Variants in ZZEF1 observed in about 807,000 individuals in gnomAD.
The protein encoded by ZZEF1 is zinc finger ZZ-type and EF-hand domain containing 1, also known as zinc finger ZZ-type and EF-hand domain-containing protein 1.
A neutral mutation model predicts 342.8 loss-of-function variants in ZZEF1; 157 were observed. That is an observed-to-expected ratio of 0.46 (90% confidence interval 0.40 to 0.52). ZZEF1 has a LOEUF of 0.52. Ranked by LOEUF, ZZEF1 falls within the 20% of genes least tolerant of loss-of-function variation. ZZEF1 has a pLI of 0.00. For missense variants in ZZEF1, 3,480 were observed against 3,725.6 expected (o/e 0.93, Z 1.72); for synonymous variants, 1,505 against 1,429.1 (o/e 1.05, Z -1.20).
intron 52 of ZZEF1, 142 bp from the exon 53 acceptor site, chr17:4,009,899 C>T (rs1369047583): frequency 3.2e-6 from 3 of 935,994 alleles, no homozygotes; most frequent in Non-Finnish European, 4.7e-6. Context: ...CACCTATGCT[C>T]CCCACAAAGC....
chr17:4,086,394 G>A (rs566110986), intron 15 of ZZEF1, 92 bp downstream of exon 15: 55 of 1,301,378 alleles, frequency 4.2e-5, no homozygotes, highest in Admixed American at 1.1e-4. Flanking sequence ...TTTCTGGCTC[G>A]CATCATCGTA....
At chr17:4,018,089 T>G in intron 46 of ZZEF1, 118 bp from the exon 47 acceptor site, 2 of 1,336,362 alleles carry the variant, frequency 1.5e-6, no homozygotes, top group Non-Finnish European at 2.1e-6. Flanking sequence ...TCAATGACAT[T>G]ATCATATTCC....
intron 7 of ZZEF1, among the ~76,000 whole-genome samples, 154 bp downstream of exon 7, chr17:4,105,539 G>A (rs1384845441): frequency 6.6e-6 from 1 of 152,192 alleles, no homozygotes; most frequent in African/African-American, 2.4e-5. Flanking sequence ...GACTTTAGAT[G>A]AGTGAACTAT....
Position 4,096,685 on chromosome 17 carries a change from G to C in ZZEF1, c.1688C>G (p.Thr563Ser), listed in dbSNP as rs145928725. ...PWTRDGFLTE[T>S]GKTRASTIFS... Reference sequence around the variant, plus strand: ...AATAGTGCTGGCTCTGGTTTTTCCAGTTTCCGTAAGAAAACCTGAAAAAAG... The same window carrying C: ...AATAGTGCTGGCTCTGGTTTTTCCACTTTCCGTAAGAAAACCTGAAAAAAG... The change falls in exon 10 of 55, where the codon ACT (threonine) becomes AGT (serine). Residue 563 changes from threonine (T) to serine (S), a missense_variant. By Grantham distance (58) the Thr-to-Ser change is moderately conservative (BLOSUM62 1). Transcript: ENST00000381638. The C allele has an allele frequency of 6.4e-5, 104 of 1,613,922 alleles. No individual in the cohort carries two copies. The African/African-American group carries it at 1.3e-3, about 20-fold the overall frequency.
intron 33 of ZZEF1, among the ~76,000 whole-genome samples, chr17:4,055,043 A>C (rs1218515729): frequency 1.3e-5 from 2 of 152,182 alleles, no homozygotes; most frequent in East Asian, 3.8e-4. Context: ...CTGCAAAAGG[A>C]GTACTGTCCC....
In ZZEF1 at chr17:4,016,683, T is replaced by C. The variant is rs1047041167; in HGVS notation, c.8002-217A>G. 31 of 542,524 alleles carry C rather than the reference T, an allele frequency of 5.7e-5. No individual in the cohort carries two copies. Among genetic ancestry groups the C allele is most frequent in the Middle Eastern group, 4.6e-4 (1 of 2,166 alleles). 33.6% of individuals were successfully genotyped at this position (542,524 alleles called of 1,614,324 possible). A position where few individuals can be genotyped will look rare whatever the true frequency, so the allele number is the denominator to read the frequency against. Reference sequence around the variant, plus strand: ...GGACACTGCAGTCCTTTCAGAATGATGCTACTTAGAGGTGGTCTGAAAGAA... The same window carrying C: ...GGACACTGCAGTCCTTTCAGAATGACGCTACTTAGAGGTGGTCTGAAAGAA... On this transcript the variant is annotated intron_variant, in intron 48 of 54. Coordinates refer to ENST00000381638, the MANE Select transcript of ZZEF1 (RefSeq NM_015113.4). This position sits in a 1 kb window ranked among gnomAD's most constrained non-coding sequence, Gnocchi z 4.4.
At chr17:4,068,430 G>A (rs2057445151) in intron 26 of ZZEF1, among the ~76,000 whole-genome samples, 1 of 152,072 alleles carries the variant, frequency 6.6e-6, no homozygotes, top group African/African-American at 2.4e-5. Context: ...GGAATTACAG[G>A]CACCTGCCAC....
intron 4 of ZZEF1, among the ~76,000 whole-genome samples, chr17:4,113,925 C>T (rs1321807930): frequency 6.8e-6 from 1 of 147,506 alleles, no homozygotes; most frequent in Non-Finnish European, 1.5e-5. Context: ...GCTATGGCTG[C>T]ACCACTGCAC....
chr17:4,086,977 GT>G (rs1220932627), intron 14 of ZZEF1, among the ~76,000 whole-genome samples: 3 of 152,086 alleles, frequency 2.0e-5, no homozygotes, highest in African/African-American at 2.4e-5. Context: ...AGCCTCCCAG[GT>G]TCAAGCAATT....
rs1441606979 is a variant in ZZEF1 at position 4,017,108 on chromosome 17, C to T, written c.8001+263G>A. On this transcript the variant is annotated intron_variant, in intron 48 of 54. Transcript: ENST00000381638. The surrounding 1 kb of genome is among the most constrained non-coding windows in gnomAD (Gnocchi z 5.1). ...ATCAAAAAGGAGCTACCGAATGTGC[C>T]TCAAGATTTCTGCACTTGGAAACTG... 1.5e-5 allele frequency: 7 copies of T among 465,000 alleles called. No homozygotes were observed. The highest frequency in any genetic ancestry group is 2.7e-5 in the Non-Finnish European group (7 of 257,978). 28.8% of individuals were successfully genotyped at this position (465,000 alleles called of 1,614,324 possible).
chr17:4,121,706 T>C (rs2145539805), intron 2 of ZZEF1, among the ~76,000 whole-genome samples: 1 of 151,442 alleles, frequency 6.6e-6, no homozygotes, highest in South Asian at 2.1e-4. Context: ...AAAGACAACC[T>C]GAAGGAGAAT....
chr17:4,084,315 G>C (rs1388244924), intron 16 of ZZEF1, among the ~76,000 whole-genome samples: 1 of 150,590 alleles, frequency 6.6e-6, no homozygotes, highest in African/African-American at 2.4e-5. Flanking sequence ...TTTCCTCTCT[G>C]ATTCCATTTA....
At chr17:4,121,676 A>G (rs1182528379) in intron 2 of ZZEF1, among the ~76,000 whole-genome samples, 1 of 152,082 alleles carries the variant, frequency 6.6e-6, no homozygotes, top group Non-Finnish European at 1.5e-5. Context: ...AAAAGTTAAC[A>G]TGTATAACAT....
chr17:4,031,285 C>T (rs1404411996), intron 42 of ZZEF1, among the ~76,000 whole-genome samples: 1 of 150,322 alleles, frequency 6.7e-6, no homozygotes, highest in Non-Finnish European at 1.5e-5. Flanking sequence ...CACCGCACTC[C>T]AGCCTGGGCA....
intron 1 of ZZEF1, among the ~76,000 whole-genome samples, chr17:4,133,717 CTATCT>C (rs1432940583): frequency 1.3e-5 from 2 of 149,152 alleles, no homozygotes; most frequent in South Asian, 2.1e-4. Context: ...GACATTTTTG[CTATCT>C]TTTTTTTTTT....
chr17:4,052,249 G>T, intron 34 of ZZEF1, 113 bp from the exon 35 acceptor site: 1 of 1,072,222 alleles, frequency 9.3e-7, no homozygotes, highest in Non-Finnish European at 1.3e-6. Context: ...ACTGCTCAGG[G>T]ATACAGGGCC....
In ZZEF1 at chr17:4,142,787, G is replaced by C; in HGVS notation, c.109C>G (p.Pro37Ala). 7.1e-7 allele frequency: 1 copy of C among 1,417,472 alleles called. No individual in the cohort carries two copies. Among genetic ancestry groups the C allele is most frequent in the Non-Finnish European group, 9.1e-7 (1 of 1,097,584 alleles). The allele number at this position is 1,417,472 out of a possible 1,614,324, so 87.8% of individuals were successfully genotyped here. ...GGTAGCGCTGGAGCCGCGACGCCCG[G>C]GCCGGGGGTCGTGCCCGAGACCGCG... ...WAAVSGTTPG[P>A]GVAAPALPPA... is the part of the protein sequence containing the mutation. Residue 37 changes from proline (P) to alanine (A), a missense_variant, in exon 1 of 55, where the codon CCG (proline) becomes GCG (alanine). By Grantham distance (27) the Pro-to-Ala change is conservative (BLOSUM62 -1). Transcript: ENST00000381638.
chr17:4,097,477 GAAAAAAA>G (rs1174680383), intron 9 of ZZEF1, among the ~76,000 whole-genome samples: 1 of 13,858 alleles, frequency 7.2e-5, no homozygotes, highest in African/African-American at 1.0e-4. Context: ...TTTGAAATGG[GAAAAAAA>G]AAAAAAAAAA....
chr17:4,023,819 G>A lies in ZZEF1; in HGVS notation c.7093-991C>T, dbSNP rs149137108. Among the ~76,000 whole-genome samples, 315 of 152,150 alleles carry A rather than the reference G, an allele frequency of 2.1e-3. 1 individual carries two copies. The highest frequency in any genetic ancestry group is 3.6e-3 in the Non-Finnish European group (243 of 68,000). Reference sequence around the variant, plus strand: ...TATACTCCAGCCTGGGCAACAGAGCGAGACCCTGTCTCAAACAAAGAAATG... The same window carrying A: ...TATACTCCAGCCTGGGCAACAGAGCAAGACCCTGTCTCAAACAAAGAAATG... On this transcript the variant is annotated intron_variant, in intron 43 of 54. Transcript: ENST00000381638.
Sources: gnomAD v4.1 joint callset for allele counts (sites outside exome capture counted in the v4.1 genomes callset) on GRCh38, gnomAD v4.1.1 for gene constraint, Gnocchi (gnomAD v3.1) non-coding constraint, MANE v1.5 for transcripts, NCBI Gene and HGNC (gene_info 2026-07-23, HGNC 2026-07-21) for gene names.